The following ZNF547 variants were observed in gnomAD, a reference collection of about 807,000 sequenced individuals.
ZNF547 encodes the protein zinc finger protein 547.
Under a neutral mutation model 7.7 loss-of-function variants are expected in ZNF547, and 4 were observed. The observed-to-expected ratio is 0.52, with a 90% CI of 0.26 to 1.20. ZNF547 has a LOEUF of 1.20. Ranked by LOEUF, ZNF547 falls within the 50% of genes most tolerant of loss-of-function variation. The pLI is 0.14. For synonymous variants in ZNF547, 166 were observed against 166.2 expected, an observed-to-expected ratio of 1.00 and a Z score of 0.01; for missense variants, 449 against 485.8, an observed-to-expected ratio of 0.92 and a Z score of 0.71.
chr19:57,377,493 G>A lies in ZNF547; in HGVS notation c.517G>A (p.Asp173Asn), dbSNP rs748404990. 19 of 1,613,810 alleles carry A rather than the reference G, an allele frequency of 1.2e-5. No individual in the cohort carries two copies. Among genetic ancestry groups the A allele is most frequent in the Non-Finnish European group, 1.5e-5 (18 of 1,180,002 alleles). The change falls in exon 4 of 4, where the codon GAC (aspartate) becomes AAC (asparagine). Residue 173 changes from aspartate (D) to asparagine (N), a missense_variant. Coordinates refer to ENST00000282282, the MANE Select transcript of ZNF547 (RefSeq NM_173631.4). The part of the protein sequence containing the change: ...KAFSHKHKLS[D>N]HQKIHTGERT... ...CTTTAGCCACAAACATAAACTTTCT[G>A]ACCATCAGAAAATCCACACTGGAGA... is the stretch of plus-strand genomic sequence containing the variant.
In ZNF547 at chr19:57,377,621, T is replaced by A. The variant is rs1257339275; in HGVS notation, c.645T>A (p.Asn215Lys). The A allele has an allele frequency of 6.2e-7, 1 of 1,614,006 alleles. No homozygotes were observed. Among genetic ancestry groups the A allele is most frequent in the Non-Finnish European group, 8.5e-7 (1 of 1,179,986 alleles). ...THTGERPYEC[N>K]ECGKAFLCKS... ...CTGGAGAAAGGCCTTATGAGTGCAA[T>A]GAATGTGGGAAAGCCTTTCTTTGTA... Residue 215 changes from asparagine (N) to lysine (K), a missense_variant, in exon 4 of 4, where the codon AAT (asparagine) becomes AAA (lysine). Asn to Lys is a moderately conservative substitution (Grantham distance 94). Transcript: ENST00000282282.
At chr19:57,365,134 G>C in intron 1 of ZNF547, 1 of 1,603,550 alleles carries the variant, frequency 6.2e-7, no homozygotes, top group East Asian at 2.2e-5. Context: ...CTTCTTTACT[G>C]ATGTTTATGA....
Position 57,377,870 on chromosome 19 carries a change from C to G in ZNF547, c.894C>G (p.Cys298Trp). 1 of 1,614,006 alleles carries G rather than the reference C, an allele frequency of 6.2e-7. No individual in the cohort carries two copies. The highest frequency in any genetic ancestry group is 1.3e-5 in the African/African-American group (1 of 74,948). The change falls in exon 4 of 4, where the codon TGC becomes TGG. Residue 298 changes from cysteine (C) to tryptophan (W), a missense_variant. Cys to Trp is a radical substitution (Grantham distance 215). Transcript: ENST00000282282. ...ATACAGGAAAAAGGTCTTATGGTTG[C>G]AGTGAATGTGGGAAATTCTTTATGG... ...RIHTGKRSYGCSECGKFFMER... is the reference protein window; with the variant it reads ...RIHTGKRSYGWSECGKFFMER...
chr19:57,377,723 T>G lies in ZNF547; in HGVS notation c.747T>G (p.Phe249Leu). The change falls in exon 4 of 4, where the codon TTT becomes TTG. Residue 249 changes from phenylalanine to leucine, a missense_variant. Coordinates refer to ENST00000282282, the MANE Select transcript of ZNF547 (RefSeq NM_173631.4). ...PYECSECGKLFMWSSTLITHQ... is the reference protein window; with the variant it reads ...PYECSECGKLLMWSSTLITHQ... ...AGTGCAGTGAATGTGGGAAATTGTT[T>G]ATGTGGAGTTCCACACTCATTACAC... The G allele has an allele frequency of 1.2e-6, 2 of 1,612,860 alleles. No homozygotes were observed. The highest frequency in any genetic ancestry group is 1.7e-6 in the Non-Finnish European group (2 of 1,179,750).
chr19:57,371,203 C>G (rs1317153748), intron 2 of ZNF547: 2 of 152,538 alleles, frequency 1.3e-5, no homozygotes, highest in African/African-American at 4.8e-5. Context: ...CTGCCCGCCT[C>G]AGCCTCCCAA....
At position 57,378,505 on chromosome 19, in the gene ZNF547, A is replaced by C; in HGVS notation, c.*320A>C. ...ACTTATTGGGCTTCAGAATATCCACACTAGTGAAAGTCTTCTGAGTACAGC... is the reference window on the plus strand; with the variant it reads ...ACTTATTGGGCTTCAGAATATCCACCCTAGTGAAAGTCTTCTGAGTACAGC... On this transcript the variant is annotated 3_prime_UTR_variant, in exon 4 of 4. Coordinates refer to ENST00000282282, the MANE Select transcript of ZNF547 (RefSeq NM_173631.4). The C allele has an allele frequency of 4.1e-6, 2 of 490,814 alleles. No homozygotes were observed. Among genetic ancestry groups the C allele is most frequent in the African/African-American group, 1.9e-5 (1 of 51,608 alleles). 30.4% of individuals were successfully genotyped at this position (490,814 alleles called of 1,614,324 possible). A position where few individuals can be genotyped will look rare whatever the true frequency, so the allele number is the denominator to read the frequency against.
chr19:57,378,126 G>C lies in ZNF547; in HGVS notation c.1150G>C (p.Gly384Arg), dbSNP rs2088550887. The change falls in exon 4 of 4, where the codon GGG becomes CGG. Residue 384 changes from glycine (G) to arginine (R), a missense_variant. Physicochemically the swap from Gly to Arg is moderately radical, Grantham distance 125. Transcript: ENST00000282282. ...HTAAKQCSEC[G>R]KFFRYNSTLL... The stretch of plus-strand genomic sequence containing the variant: ...TGCAGCAAAGCAGTGCAGTGAATGT[G>C]GGAAATTCTTTAGGTATAACTCTAC... 3 of 1,613,626 alleles carry C rather than the reference G, an allele frequency of 1.9e-6. No individual in the cohort carries two copies. The highest frequency in any genetic ancestry group is 8.5e-7 in the Non-Finnish European group (1 of 1,179,672).
At chr19:57,364,598 G>A (rs534145442) in intron 1 of ZNF547, 8 of 573,386 alleles carry the variant, frequency 1.4e-5, no homozygotes, top group East Asian at 8.8e-5. Context: ...AAAATTAGCC[G>A]GGGGTGGTGA....
At chr19:57,365,249 T>C in intron 1 of ZNF547, 1 of 1,562,142 alleles carries the variant, frequency 6.4e-7, no homozygotes, top group Non-Finnish European at 8.7e-7. Flanking sequence ...AAACACCTTT[T>C]AAGCTGAATG....
intron 2 of ZNF547, chr19:57,370,957 GT>G (rs11430895): frequency 5.7e-4 from 83 of 144,580 alleles, no homozygotes; most frequent in Non-Finnish European, 6.4e-4. Flanking sequence ...GGGGTTTTTT[GT>G]TTTTTTTTTT....
intron 3 of ZNF547, 126 bp downstream of exon 3, chr19:57,372,034 T>C (rs2088508335): frequency 2.1e-6 from 3 of 1,416,382 alleles, no homozygotes; most frequent in South Asian, 1.7e-5. Flanking sequence ...TCCTGACATA[T>C]GTTCCATGAG....
Position 57,366,555 on chromosome 19 carries a change from T to G in ZNF547, c.-12-1989T>G, listed in dbSNP as rs1424931368. 9.5e-5 allele frequency among the ~76,000 whole-genome samples: 14 copies of G among 147,346 alleles called. 1 individual carries two copies. Among genetic ancestry groups the G allele is most frequent in the South Asian group, 6.6e-4 (3 of 4,548 alleles). On this transcript the variant is annotated intron_variant, in intron 1 of 3. Coordinates refer to ENST00000282282, the MANE Select transcript of ZNF547 (RefSeq NM_173631.4). The stretch of plus-strand genomic sequence containing the variant: ...CCCAATTCAGATAAATTGTTTTTTT[T>G]TTTTTTTTTTTTGACGTGGAGTTTT...
In ZNF547 at chr19:57,379,469, T is replaced by C. The variant is rs11666890; in HGVS notation, c.*1284T>C. ...TACCCCTTGTTTCTATGTTCTATCC[T>C]GTGAGCCTTTTCATTTTGTTAATTT... On this transcript the variant is annotated 3_prime_UTR_variant, in exon 4 of 4. Coordinates refer to ENST00000282282, the MANE Select transcript of ZNF547 (RefSeq NM_173631.4). 0.51 allele frequency: 77,636 copies of C among 152,048 alleles called. 20,652 individuals carry two copies. Among genetic ancestry groups the C allele is most frequent in the East Asian group, 0.64 (3,324 of 5,162 alleles). The allele number at this position is 152,048 out of a possible 1,614,324, so 9.4% of individuals were successfully genotyped here. A position where few individuals can be genotyped will look rare whatever the true frequency, so the allele number is the denominator to read the frequency against.
intron 3 of ZNF547, among the ~76,000 whole-genome samples, chr19:57,372,869 T>C (rs2088514995): frequency 6.6e-6 from 1 of 152,228 alleles, no homozygotes. Context: ...CACTGCTCAC[T>C]AGTCACCAGC....
Position 57,368,541 on chromosome 19 carries a change from C to G in ZNF547, c.-12-3C>G, listed in dbSNP as rs760327689. On this transcript the variant is annotated splice_polypyrimidine_tract_variant and splice_region_variant and intron_variant, in intron 1 of 3. Coordinates refer to ENST00000282282, the MANE Select transcript of ZNF547 (RefSeq NM_173631.4). Reference sequence around the variant, plus strand: ...ATTTCTCACGGTTTCCCTCTTCCTTCAGGGTCCCCTGGCGATGGCAGAAAT... The same window carrying G: ...ATTTCTCACGGTTTCCCTCTTCCTTGAGGGTCCCCTGGCGATGGCAGAAAT... 6.2e-7 allele frequency: 1 copy of G among 1,613,986 alleles called. No homozygotes were observed. The highest frequency in any genetic ancestry group is 8.5e-7 in the Non-Finnish European group (1 of 1,179,958).
At position 57,379,209 on chromosome 19, in the gene ZNF547, G is replaced by T. The variant is rs1260645252; in HGVS notation, c.*1024G>T. ...GGTACCCCAAAAAGTGGAACTGCTG[G>T]ATCACATGGTACTTCTAACTTTAAT... is the stretch of plus-strand genomic sequence containing the variant. On this transcript the variant is annotated 3_prime_UTR_variant, in exon 4 of 4. Coordinates refer to ENST00000282282, the MANE Select transcript of ZNF547 (RefSeq NM_173631.4). The T allele has an allele frequency of 2.6e-5, 4 of 152,354 alleles. No individual in the cohort carries two copies. The highest frequency in any genetic ancestry group is 9.6e-5 in the African/African-American group (4 of 41,456). 9.4% of individuals were successfully genotyped at this position (152,354 alleles called of 1,614,324 possible).
At position 57,378,329 on chromosome 19, in the gene ZNF547, C is replaced by T; in HGVS notation, c.*144C>T. Reference sequence around the variant, plus strand: ...GTACAGCTCTCCAGTCGCTATGTATCAGAGAATTCACACTGCAGAAATGTG... The same window carrying T: ...GTACAGCTCTCCAGTCGCTATGTATTAGAGAATTCACACTGCAGAAATGTG... On this transcript the variant is annotated 3_prime_UTR_variant, in exon 4 of 4. Transcript: ENST00000282282. 1.3e-6 allele frequency: 1 copy of T among 788,302 alleles called. No homozygotes were observed. Among genetic ancestry groups the T allele is most frequent in the Non-Finnish European group, 2.1e-6 (1 of 474,898 alleles). 48.8% of individuals were successfully genotyped at this position (788,302 alleles called of 1,614,324 possible).
chr19:57,372,055 G>C (rs2088508555), intron 3 of ZNF547, 147 bp downstream of exon 3: 1 of 1,303,688 alleles, frequency 7.7e-7, no homozygotes, highest in Non-Finnish European at 1.0e-6. Flanking sequence ...AGTCAGGACT[G>C]CAATATGTGC....
intron 1 of ZNF547, among the ~76,000 whole-genome samples, chr19:57,367,111 T>C (rs542045347): frequency 6.6e-6 from 1 of 152,358 alleles, no homozygotes; most frequent in African/African-American, 2.4e-5. Flanking sequence ...TGTGAAAAGT[T>C]GTAAGGCAAT....
Sources: gnomAD v4.1 joint callset for allele counts (sites outside exome capture counted in the v4.1 genomes callset) on GRCh38, gnomAD v4.1.1 for gene constraint, MANE v1.5 for transcripts, NCBI Gene and HGNC (gene_info 2026-07-23, HGNC 2026-07-21) for gene names.